The following UVRAG variants were observed in gnomAD, a reference collection of about 807,000 sequenced individuals.
The protein encoded by UVRAG is UV radiation resistance associated, also known as UV radiation resistance-associated gene protein.
In UVRAG, 19 loss-of-function variants were observed where a neutral mutation model predicts 78.0. The ratio of observed to expected loss-of-function variants is 0.24; its 90% CI spans 0.17 to 0.36. The LOEUF is 0.36. Ranked by LOEUF, UVRAG falls within the 10% of genes least tolerant of loss-of-function variation. The pLI is 1.00. For synonymous variants in UVRAG, 323 were observed against 324.6 expected, an observed-to-expected ratio of 1.00 and a Z score of 0.05; for missense variants, 740 against 853.8, an observed-to-expected ratio of 0.87 and a Z score of 1.66.
Position 76,140,944 on chromosome 11 carries a change from T to C in UVRAG, c.1631T>C (p.Ile544Thr), listed in dbSNP as rs768937882. The C allele has an allele frequency of 1.2e-6, 2 of 1,614,080 alleles. No individual in the cohort carries two copies. The highest frequency in any genetic ancestry group is 1.1e-5 in the South Asian group (1 of 91,082). ...VPSMGETERKITSLSSSLDTS... is the reference protein window; with the variant it reads ...VPSMGETERKTTSLSSSLDTS... ...TCCATGGGAGAGACCGAGAGAAAGA[T>C]AACATCTCTATCCTCCTCCTTGGAT... The change falls in exon 15 of 15, where the codon ATA becomes ACA. Residue 544 changes from isoleucine to threonine, a missense_variant. Coordinates refer to ENST00000356136, the MANE Select transcript of UVRAG (RefSeq NM_003369.4).
intron 6 of UVRAG, chr11:75,935,119 T>A (rs889601931): frequency 2.0e-5 from 3 of 151,940 alleles, no homozygotes; most frequent in African/African-American, 7.3e-5. Context: ...CTAGTGATCA[T>A]CAACCTTTAC....
rs745860730 is a variant in UVRAG, at chr11:75,815,433, G to A, written c.26G>A (p.Gly9Asp). The change falls in exon 1 of 15, where the codon GGC (glycine) becomes GAC (aspartate). Residue 9 changes from glycine to aspartate, a missense_variant. Gly to Asp is a moderately conservative substitution (Grantham distance 94). Coordinates refer to ENST00000356136, the MANE Select transcript of UVRAG (RefSeq NM_003369.4). ...ATGAGCGCCTCCGCGTCGGTCGGGG[G>A]CCCCGTCCCCCAGCCACCCCCGGGC... is the stretch of plus-strand genomic sequence containing the variant. The part of the protein sequence containing the change: MSASASVG[G>D]PVPQPPPGPA... The A allele has an allele frequency of 1.6e-6, 2 of 1,248,548 alleles. No individual in the cohort carries two copies. The highest frequency in any genetic ancestry group is 3.2e-5 in the South Asian group (1 of 31,328). The allele number at this position is 1,248,548 out of a possible 1,614,324, so 77.3% of individuals were successfully genotyped here.
At chr11:76,102,999 G>A (rs1296730303) in intron 13 of UVRAG, among the ~76,000 whole-genome samples, 1 of 152,138 alleles carries the variant, frequency 6.6e-6, no homozygotes, top group Non-Finnish European at 1.5e-5. Context: ...CCTTGCAGCT[G>A]TAGGTCTGAA....
chr11:75,928,722 G>A (rs145165499), intron 6 of UVRAG, among the ~76,000 whole-genome samples: 1,948 of 152,070 alleles, frequency 0.013, 40 homozygotes, highest in African/African-American at 0.043. Flanking sequence ...GGCGGATCAC[G>A]AGGTCAGGAG....
intron 13 of UVRAG, among the ~76,000 whole-genome samples, chr11:76,115,351 A>G (rs1406981075): frequency 2.0e-5 from 3 of 152,230 alleles, no homozygotes; most frequent in Non-Finnish European, 4.4e-5. Context: ...CTCAAGAGAA[A>G]TACAGAGCAC....
At position 75,870,439 on chromosome 11, in the gene UVRAG, GC is replaced by G. The variant is rs142968911; in HGVS notation, c.270+8663del. On this transcript the variant is annotated intron_variant, in intron 3 of 14. Coordinates refer to ENST00000356136, the MANE Select transcript of UVRAG (RefSeq NM_003369.4). The stretch of plus-strand genomic sequence containing the variant: ...ATCCCTCTTCCTTGCCATGCATTAT[GC>G]CCCTTCAGATACATTCACCAAGTGT... 9.9e-3 allele frequency among the ~76,000 whole-genome samples: 1,502 copies of G among 152,178 alleles called. 10 individuals are homozygous for G. The highest frequency in any genetic ancestry group is 0.027 in the African/African-American group (1,141 of 41,508).
chr11:75,983,274 A>T, intron 7 of UVRAG, 113 bp from the exon 8 acceptor site: 3 of 929,130 alleles, frequency 3.2e-6, no homozygotes, highest in Non-Finnish European at 4.5e-6. Flanking sequence ...CATAAGTTTG[A>T]TGAGTATTAA....
intron 3 of UVRAG, among the ~76,000 whole-genome samples, chr11:75,874,434 T>A (rs2134840656): frequency 6.6e-6 from 1 of 152,328 alleles, no homozygotes; most frequent in African/African-American, 2.4e-5. Context: ...TCCTGCACAA[T>A]CTAGATGCAT....
At chr11:75,840,061 A>C (rs1200159540) in intron 1 of UVRAG, among the ~76,000 whole-genome samples, 1 of 152,104 alleles carries the variant, frequency 6.6e-6, no homozygotes, top group Non-Finnish European at 1.5e-5. Flanking sequence ...GACCTCTGTC[A>C]GCTATTTTCT....
intron 13 of UVRAG, among the ~76,000 whole-genome samples, chr11:76,115,381 T>C (rs1952158855): frequency 6.6e-6 from 1 of 152,138 alleles, no homozygotes; most frequent in African/African-American, 2.4e-5. Flanking sequence ...CAAAAGTGAG[T>C]TGCAATGTAT....
At position 76,140,944 on chromosome 11, in the gene UVRAG, T is replaced by A. The variant is rs768937882; in HGVS notation, c.1631T>A (p.Ile544Lys). 8.7e-6 allele frequency: 14 copies of A among 1,613,962 alleles called. No homozygotes were observed. The East Asian group carries it at 1.3e-4, about 15-fold the overall frequency. Residue 544 changes from isoleucine to lysine, a missense_variant, in exon 15 of 15, where the codon ATA (isoleucine) becomes AAA (lysine). By Grantham distance (102) the Ile-to-Lys change is moderately radical (BLOSUM62 -3). Coordinates refer to ENST00000356136, the MANE Select transcript of UVRAG (RefSeq NM_003369.4). ...TCCATGGGAGAGACCGAGAGAAAGA[T>A]AACATCTCTATCCTCCTCCTTGGAT... is the stretch of plus-strand genomic sequence containing the variant. Reference protein sequence around the residue: ...VPSMGETERKITSLSSSLDTS... With the variant: ...VPSMGETERKKTSLSSSLDTS...
intron 14 of UVRAG, among the ~76,000 whole-genome samples, chr11:76,128,232 C>T (rs1952448699): frequency 6.6e-6 from 1 of 152,116 alleles, no homozygotes; most frequent in East Asian, 1.9e-4. Context: ...AGCATTAGAT[C>T]CTCATAGGAG....
At chr11:75,824,723 G>T (rs1294023331) in intron 1 of UVRAG, among the ~76,000 whole-genome samples, 2 of 144,622 alleles carry the variant, frequency 1.4e-5, no homozygotes, top group Admixed American at 1.4e-4. Context: ...GCCCAGGCTG[G>T]AGTGCAGTGG....
chr11:76,094,659 A>G (rs1045484711), intron 13 of UVRAG, among the ~76,000 whole-genome samples: 1 of 152,046 alleles, frequency 6.6e-6, no homozygotes, highest in Non-Finnish European at 1.5e-5. Context: ...AGGTGTTTAT[A>G]GTATTCTCTG....
chr11:75,924,765 A>AC (rs1261966984), intron 6 of UVRAG, among the ~76,000 whole-genome samples: 1 of 152,182 alleles, frequency 6.6e-6, no homozygotes, highest in Non-Finnish European at 1.5e-5. Context: ...TAGATCTCAT[A>AC]GTCTTTAACT....
intron 11 of UVRAG, among the ~76,000 whole-genome samples, chr11:76,015,686 A>T (rs1950134542): frequency 6.6e-6 from 1 of 152,220 alleles, no homozygotes; most frequent in South Asian, 2.1e-4. Context: ...AAGGGTAGAG[A>T]ATTCACTGAG....
intron 6 of UVRAG, among the ~76,000 whole-genome samples, chr11:75,937,929 T>G (rs975774267): frequency 4.6e-5 from 7 of 152,218 alleles, no homozygotes; most frequent in African/African-American, 1.7e-4. Context: ...ATTTTGTTTT[T>G]GTTTTAGTCT....
rs142058339 is a variant in UVRAG, at chr11:75,967,959, A to C, written c.699+6410A>C. Among the ~76,000 whole-genome samples, 940 of 152,320 alleles carry C rather than the reference A, an allele frequency of 6.2e-3. 10 individuals are homozygous for C. Among genetic ancestry groups the C allele is most frequent in the African/African-American group, 0.021 (876 of 41,562 alleles). ...CAGGAACATGCTTGAGGAACTTTTG[A>C]CCTAAGGCAAAAAGCTTTAGCTCCA... On this transcript the variant is annotated intron_variant, in intron 7 of 14. Transcript: ENST00000356136.
intron 14 of UVRAG, chr11:76,137,481 A>C (rs1952620052): frequency 2.2e-6 from 1 of 456,112 alleles, no homozygotes; most frequent in African/African-American, 2.0e-5. Context: ...AAAATTTTTG[A>C]AAGGTTAAAT....
Sources: allele counts gnomAD v4.1 joint callset (sites outside exome capture counted in the v4.1 genomes callset), GRCh38; gene constraint gnomAD v4.1.1; transcripts MANE v1.5; gene names NCBI Gene and HGNC (gene_info 2026-07-23, HGNC 2026-07-21).